Variants in GOLGA4 observed in about 807,000 individuals in gnomAD.
The protein encoded by GOLGA4 is golgin subfamily A member 4.
Under a neutral mutation model 265.9 loss-of-function variants are expected in GOLGA4, and 169 were observed. The ratio of observed to expected loss-of-function variants is 0.64; its 90% confidence interval spans 0.56 to 0.72. The LOEUF is 0.72. GOLGA4 is among the 30% of genes least tolerant of loss of function. GOLGA4 has a pLI of 0.00. For missense variants in GOLGA4, 2,482 were observed against 2,483.4 expected (o/e 1.00, Z 0.01); for synonymous variants, 923 against 855.8 (o/e 1.08, Z -1.37).
chr3:37,334,210 TCAAGA>T (rs2097001462), intron 16 of GOLGA4, among the ~76,000 whole-genome samples: 1 of 152,168 alleles, frequency 6.6e-6, no homozygotes, highest in Admixed American at 6.5e-5. Context: ...ACCAGGGCAG[TCAAGA>T]CAAGAGAGGA....
intron 1 of GOLGA4, among the ~76,000 whole-genome samples, chr3:37,246,800 A>G (rs1270935231): frequency 1.3e-5 from 2 of 152,158 alleles, no homozygotes; most frequent in Admixed American, 6.5e-5. Flanking sequence ...ATCAACATAT[A>G]CGCCCCTCCT....
intron 13 of GOLGA4, among the ~76,000 whole-genome samples, chr3:37,322,467 A>C (rs956602499): frequency 3.9e-5 from 6 of 152,124 alleles, no homozygotes; most frequent in African/African-American, 1.4e-4. Flanking sequence ...AAACTAACTG[A>C]TGTTTAGACT....
At chr3:37,248,677 A>G (rs1168661310) in intron 1 of GOLGA4, among the ~76,000 whole-genome samples, 2 of 152,204 alleles carry the variant, frequency 1.3e-5, no homozygotes, top group Non-Finnish European at 1.5e-5. Context: ...CTACTTTTCT[A>G]GGGAGAGTAT....
intron 1 of GOLGA4, chr3:37,245,170 A>G (rs1185595377): frequency 6.6e-6 from 1 of 152,666 alleles, no homozygotes; most frequent in African/African-American, 2.4e-5. Context: ...TTCATAGGTT[A>G]TTATGCAGCC....
rs1231303129 is a variant in GOLGA4 at position 37,328,977 on chromosome 3, G to A, written c.6076G>A (p.Val2026Met). The A allele has an allele frequency of 2.5e-6, 4 of 1,604,224 alleles. No individual in the cohort carries two copies. Among genetic ancestry groups the A allele is most frequent in the South Asian group, 1.1e-5 (1 of 89,124 alleles). ...IKETINKAQE[V>M]EAELLESHQE... ...TTATTTATTAGATAAGGCCCAGGAG[G>A]TGGAGGCTGAACTTTTAGAAAGCCA... Residue 2026 changes from valine (V) to methionine (M), a missense_variant, in exon 16 of 24, where the codon GTG becomes ATG. This residue lies in a region of GOLGA4 where 942 missense variants were observed against 983.1 expected (regional missense o/e 0.96). Transcript: ENST00000361924.
intron 2 of GOLGA4, among the ~76,000 whole-genome samples, chr3:37,254,065 A>G (rs2096741476): frequency 6.6e-6 from 1 of 152,120 alleles, no homozygotes; most frequent in African/African-American, 2.4e-5. Flanking sequence ...CACTATTTTC[A>G]GTGTTTCACT....
chr3:37,322,836 A>G (rs2096958805), intron 13 of GOLGA4, among the ~76,000 whole-genome samples: 1 of 152,154 alleles, frequency 6.6e-6, no homozygotes, highest in African/African-American at 2.4e-5. Context: ...ATGAAAAAAA[A>G]AAGAACCTTC....
chr3:37,345,120 G>T (rs1347136048), intron 20 of GOLGA4, among the ~76,000 whole-genome samples: 1 of 152,164 alleles, frequency 6.6e-6, no homozygotes, highest in Non-Finnish European at 1.5e-5. Flanking sequence ...TGAGGTGGGA[G>T]GATCACTTGA....
At chr3:37,288,753 C>T (rs1378964438) in intron 4 of GOLGA4, among the ~76,000 whole-genome samples, 1 of 152,138 alleles carries the variant, frequency 6.6e-6, no homozygotes, top group Non-Finnish European at 1.5e-5. Context: ...GCTGGGATTA[C>T]AGGTGTGAGC....
chr3:37,252,224 C>G (rs2096735872), intron 2 of GOLGA4, among the ~76,000 whole-genome samples: 1 of 151,968 alleles, frequency 6.6e-6, no homozygotes, highest in Non-Finnish European at 1.5e-5. Flanking sequence ...TGAATCCTCC[C>G]AGGTCAAGCA....
At chr3:37,247,974 G>A (rs1383006387) in intron 1 of GOLGA4, among the ~76,000 whole-genome samples, 1 of 152,148 alleles carries the variant, frequency 6.6e-6, no homozygotes, top group East Asian at 1.9e-4. Flanking sequence ...GTAATCTTTT[G>A]ATGAACTCAT....
At position 37,243,903 on chromosome 3, in the gene GOLGA4, C is replaced by T. The variant is rs73059467; in HGVS notation, c.72+281C>T. On this transcript the variant is annotated intron_variant, in intron 1 of 23. Coordinates refer to ENST00000361924, the MANE Select transcript of GOLGA4 (RefSeq NM_002078.5). Reference sequence around the variant, plus strand: ...TCCGTTAAGAGTTTTCTCCTAAGGCCAGAGTCCGAACTTGCATGATTTCTG... The same window carrying T: ...TCCGTTAAGAGTTTTCTCCTAAGGCTAGAGTCCGAACTTGCATGATTTCTG... The T allele has an allele frequency of 5.9e-3, 2,760 of 469,938 alleles. 8 individuals are homozygous for T. The highest frequency in any genetic ancestry group is 8.4e-3 in the Middle Eastern group (15 of 1,792). 29.1% of individuals were successfully genotyped at this position (469,938 alleles called of 1,614,324 possible).
intron 2 of GOLGA4, 29 bp downstream of exon 2, chr3:37,251,513 CCT>C (rs779906657): frequency 2.2e-6 from 3 of 1,334,754 alleles, no homozygotes; most frequent in Non-Finnish European, 3.2e-6. Context: ...TTCTAGTATA[CCT>C]CTCAAAAGAA....
intron 2 of GOLGA4, among the ~76,000 whole-genome samples, chr3:37,280,184 TG>T (rs1349165984): frequency 1.3e-5 from 2 of 152,346 alleles, no homozygotes; most frequent in East Asian, 3.9e-4. Flanking sequence ...ACTGTATTAA[TG>T]GTATGTCATA....
At chr3:37,267,169 A>G (rs1413782004) in intron 2 of GOLGA4, among the ~76,000 whole-genome samples, 1 of 152,178 alleles carries the variant, frequency 6.6e-6, no homozygotes, top group Non-Finnish European at 1.5e-5. Context: ...TGTTTTCGCT[A>G]ATGTAGCTAC....
intron 2 of GOLGA4, among the ~76,000 whole-genome samples, chr3:37,280,710 C>A (rs2096832536): frequency 6.6e-6 from 1 of 152,050 alleles, no homozygotes; most frequent in South Asian, 2.1e-4. Context: ...ACTTTATAGA[C>A]CAGGACATAC....
chr3:37,316,827 A>G (rs1403951564), intron 11 of GOLGA4, among the ~76,000 whole-genome samples: 1 of 151,278 alleles, frequency 6.6e-6, no homozygotes, highest in Non-Finnish European at 1.5e-5. Flanking sequence ...TTATAGATGG[A>G]TTTATTAGGC....
intron 7 of GOLGA4, 143 bp from the exon 8 acceptor site, chr3:37,298,690 A>G (rs2096884889): frequency 1.7e-6 from 1 of 595,402 alleles, no homozygotes; most frequent in Non-Finnish European, 3.0e-6. Context: ...GCCTACACCC[A>G]GGAACGAACA....
chr3:37,340,388 A>G (rs1041878436), intron 20 of GOLGA4, among the ~76,000 whole-genome samples, 189 bp downstream of exon 20: 1 of 152,154 alleles, frequency 6.6e-6, no homozygotes, highest in Non-Finnish European at 1.5e-5. Flanking sequence ...TTATAGATTC[A>G]TTGTGGAATG....
Sources: gnomAD v4.1 joint callset for allele counts (sites outside exome capture counted in the v4.1 genomes callset) on GRCh38, gnomAD v4.1.1 for gene constraint, gnomAD v4.1.1 regional missense constraint, MANE v1.5 for transcripts, NCBI Gene and HGNC (gene_info 2026-07-23, HGNC 2026-07-21) for gene names.